EDEM3: variants seen among roughly 807,000 people sequenced by gnomAD.
EDEM3 encodes the protein ER degradation enhancing alpha-mannosidase like protein 3.
A neutral mutation model predicts 110.2 loss-of-function variants in EDEM3; 60 were observed. The ratio of observed to expected loss-of-function variants is 0.54; its 90% CI spans 0.44 to 0.67. The LOEUF is 0.67. EDEM3 is among the 30% of genes least tolerant of loss of function. The pLI is 0.00. For synonymous variants in EDEM3, 352 were observed against 382.9 expected (o/e 0.92, Z 0.94); for missense variants, 996 against 1,121.0 (o/e 0.89, Z 1.59).
chr1:184,698,619 T>C (rs1649448825), intron 19 of EDEM3, among the ~76,000 whole-genome samples: 2 of 151,940 alleles, frequency 1.3e-5, no homozygotes, highest in Non-Finnish European at 2.9e-5. Context: ...CTCAGAAAGA[T>C]GAGAGATTAT....
chr1:184,733,634 C>A (rs978417594), intron 5 of EDEM3, among the ~76,000 whole-genome samples: 3 of 152,040 alleles, frequency 2.0e-5, no homozygotes, highest in Non-Finnish European at 4.4e-5. Flanking sequence ...TCGAGACCAT[C>A]CTGGCCAACA....
At chr1:184,703,823 G>A (rs1317091586) in intron 18 of EDEM3, among the ~76,000 whole-genome samples, 1 of 152,166 alleles carries the variant, frequency 6.6e-6, no homozygotes, top group Non-Finnish European at 1.5e-5. Flanking sequence ...ACCTGGAACT[G>A]GCACACAGAA....
intron 4 of EDEM3, among the ~76,000 whole-genome samples, chr1:184,735,497 G>C (rs1368418579): frequency 6.6e-6 from 1 of 152,096 alleles, no homozygotes; most frequent in Non-Finnish European, 1.5e-5. Context: ...GTTACCTAGA[G>C]CCTAAGTACA....
chr1:184,746,861 T>C (rs1025967529), intron 2 of EDEM3, among the ~76,000 whole-genome samples: 1 of 152,172 alleles, frequency 6.6e-6, no homozygotes, highest in Non-Finnish European at 1.5e-5. Flanking sequence ...ATTAAAAGCC[T>C]GCCATGTACC....
intron 19 of EDEM3, among the ~76,000 whole-genome samples, chr1:184,698,857 G>A (rs1272187323): frequency 2.0e-5 from 3 of 151,622 alleles, no homozygotes; most frequent in South Asian, 2.1e-4. Flanking sequence ...TTTGGTTTTC[G>A]CAAGCTGAAG....
intron 2 of EDEM3, among the ~76,000 whole-genome samples, chr1:184,742,261 T>C (rs980463808): frequency 3.3e-5 from 5 of 152,220 alleles, no homozygotes; most frequent in Admixed American, 6.5e-5. Flanking sequence ...GCGTGCTCTG[T>C]AATGATCCAT....
chr1:184,693,716 T>A lies in EDEM3; in HGVS notation c.*347A>T. The A allele has an allele frequency of 5.4e-6, 1 of 186,722 alleles. No homozygotes were observed. The highest frequency in any genetic ancestry group is 1.5e-4 in the South Asian group (1 of 6,834). The allele number at this position is 186,722 out of a possible 1,614,324, so 11.6% of individuals were successfully genotyped here. On this transcript the variant is annotated 3_prime_UTR_variant, in exon 20 of 20. Coordinates refer to ENST00000318130, the MANE Select transcript of EDEM3 (RefSeq NM_025191.4). ...GGCTATCCAAACTCCTATTCCCCACTCCACTACTAAATGAATTTTGTTTCT... is the reference window on the plus strand; with the variant it reads ...GGCTATCCAAACTCCTATTCCCCACACCACTACTAAATGAATTTTGTTTCT...
At chr1:184,746,798 G>A (rs916322605) in intron 2 of EDEM3, among the ~76,000 whole-genome samples, 1 of 152,170 alleles carries the variant, frequency 6.6e-6, no homozygotes. Context: ...GACCAGACTG[G>A]AGAGTAGTAT....
chr1:184,748,276 A>C (rs1443639621), intron 2 of EDEM3, among the ~76,000 whole-genome samples: 1 of 152,000 alleles, frequency 6.6e-6, no homozygotes, highest in Non-Finnish European at 1.5e-5. Flanking sequence ...GTGAAACCCC[A>C]TCTCTACCAA....
intron 11 of EDEM3, among the ~76,000 whole-genome samples, chr1:184,718,392 G>C (rs1181510251): frequency 6.6e-6 from 1 of 152,034 alleles, no homozygotes; most frequent in Non-Finnish European, 1.5e-5. Flanking sequence ...TGAAACCTCA[G>C]TTTATTCTGT....
chr1:184,734,918 T>C (rs542999836), intron 4 of EDEM3, among the ~76,000 whole-genome samples: 107 of 152,358 alleles, frequency 7.0e-4, no homozygotes, highest in African/African-American at 2.5e-3. Flanking sequence ...GGATTCTTAA[T>C]GACCCAGGCT....
In EDEM3 at chr1:184,736,989, C is replaced by T. The variant is rs200258737; in HGVS notation, c.345+36G>A. 6.5e-6 allele frequency: 10 copies of T among 1,539,336 alleles called. No homozygotes were observed. In the Admixed American group the frequency reaches 1.3e-4, roughly 21 times the overall value. ...ATTCATAATACTTAAGTGTGCATATCATGAATAAAATAAATCCAAGAAGAG... is the reference window on the plus strand; with the variant it reads ...ATTCATAATACTTAAGTGTGCATATTATGAATAAAATAAATCCAAGAAGAG... On this transcript the variant is annotated intron_variant, in intron 4 of 19. Coordinates refer to ENST00000318130, the MANE Select transcript of EDEM3 (RefSeq NM_025191.4).
At chr1:184,709,961 C>A (rs1239776816) in intron 16 of EDEM3, among the ~76,000 whole-genome samples, 3 of 152,098 alleles carry the variant, frequency 2.0e-5, no homozygotes, top group African/African-American at 7.2e-5. Context: ...TTCCTAGGCA[C>A]AGACAAATAA....
At position 184,741,439 on chromosome 1, in the gene EDEM3, T is replaced by C. The variant is rs183183605; in HGVS notation, c.205-3728A>G. ...ATAAAAAATAAAAAATAAAATGAAA[T>C]GACCTTAAATTTCAATGTTTCTAAT... On this transcript the variant is annotated intron_variant, in intron 2 of 19. Coordinates refer to ENST00000318130, the MANE Select transcript of EDEM3 (RefSeq NM_025191.4). Among the ~76,000 whole-genome samples the C allele has an allele frequency of 2.9e-3, 434 of 152,098 alleles. 5 individuals are homozygous for C. In the East Asian group the frequency reaches 0.036, roughly 12 times the overall value.
chr1:184,693,885 G>T lies in EDEM3; in HGVS notation c.*178C>A. ...TTTTGATGGGACAGTTTTAAACAAG[G>T]TCAATTCTAACACAGCATGCTCCAG... is the stretch of plus-strand genomic sequence containing the variant. On this transcript the variant is annotated 3_prime_UTR_variant, in exon 20 of 20. Transcript: ENST00000318130. 3.1e-6 allele frequency: 2 copies of T among 640,518 alleles called. No individual in the cohort carries two copies. The highest frequency in any genetic ancestry group is 5.1e-6 in the Non-Finnish European group (2 of 390,644). 39.7% of individuals were successfully genotyped at this position (640,518 alleles called of 1,614,324 possible). A position where few individuals can be genotyped will look rare whatever the true frequency, so the allele number is the denominator to read the frequency against.
At position 184,694,108 on chromosome 1, in the gene EDEM3, A is replaced by T. The variant is rs1375913094; in HGVS notation, c.2754T>A (p.Asn918Lys). Residue 918 changes from asparagine (N) to lysine (K), a missense_variant, in exon 20 of 20, where the codon AAT becomes AAA. Asn to Lys is a moderately conservative substitution (Grantham distance 94). Transcript: ENST00000318130. Reference sequence around the variant, plus strand: ...TCATTTCAAATGCTTCTATATCTTCATTCCAGTCTGCTAATATGGAGTCTA... The same window carrying T: ...TCATTTCAAATGCTTCTATATCTTCTTTCCAGTCTGCTAATATGGAGTCTA... ...QPIDSILADW[N>K]EDIEAFEMME... 2 of 1,613,266 alleles carry T rather than the reference A, an allele frequency of 1.2e-6. No individual in the cohort carries two copies. The highest frequency in any genetic ancestry group is 1.7e-6 in the Non-Finnish European group (2 of 1,179,520).
intron 1 of EDEM3, among the ~76,000 whole-genome samples, chr1:184,751,026 T>C (rs1159754828): frequency 6.9e-6 from 1 of 144,766 alleles, no homozygotes; most frequent in African/African-American, 2.4e-5. Flanking sequence ...ACCAACAAAA[T>C]CAAGTACACT....
At chr1:184,707,673 T>C (rs1287517502) in intron 17 of EDEM3, among the ~76,000 whole-genome samples, 1 of 152,226 alleles carries the variant, frequency 6.6e-6, no homozygotes, top group Non-Finnish European at 1.5e-5. Flanking sequence ...CTTTGTTTTC[T>C]ACGTTATAAC....
intron 2 of EDEM3, among the ~76,000 whole-genome samples, chr1:184,748,678 T>A (rs575368111): frequency 6.6e-6 from 1 of 152,288 alleles, no homozygotes; most frequent in South Asian, 2.1e-4. Flanking sequence ...AAATTACATA[T>A]ATTTAGATGT....
Sources: gnomAD v4.1 joint callset for allele counts (sites outside exome capture counted in the v4.1 genomes callset) on GRCh38, gnomAD v4.1.1 for gene constraint, MANE v1.5 for transcripts, NCBI Gene and HGNC (gene_info 2026-07-23, HGNC 2026-07-21) for gene names.